HERC1: variants seen among roughly 807,000 people sequenced by gnomAD.
HERC1 encodes the protein probable E3 ubiquitin-protein ligase HERC1.
HERC1 carries 160 observed loss-of-function variants against 554.3 expected under a neutral mutation model. That is an observed-to-expected ratio of 0.29 (90% confidence interval 0.25 to 0.33). The LOEUF (loss-of-function observed/expected upper bound fraction) is 0.33, where lower values mean the gene tolerates loss of function less well. Ranked by LOEUF, HERC1 falls within the 10% of genes least tolerant of loss-of-function variation. The pLI is 1.00. For missense variants in HERC1, 4,919 were observed against 5,918.5 expected, an observed-to-expected ratio of 0.83 and a Z score of 5.54; for synonymous variants, 2,175 against 2,131.7, an observed-to-expected ratio of 1.02 and a Z score of -0.56.
At chr15:63,726,375 T>C (rs1232279819) in intron 17 of HERC1, among the ~76,000 whole-genome samples, 5 of 152,194 alleles carry the variant, frequency 3.3e-5, no homozygotes, top group Admixed American at 1.3e-4. Flanking sequence ...GAAATAAAAA[T>C]AGAGACTGAA....
intron 22 of HERC1, 108 bp from the exon 23 acceptor site, chr15:63,713,773 G>A (rs1290128502): frequency 1.6e-5 from 15 of 935,398 alleles, no homozygotes; most frequent in Non-Finnish European, 2.0e-5. Context: ...TACTGAAAGA[G>A]GGAAAAATTA....
At position 63,674,935 on chromosome 15, in the gene HERC1, T is replaced by G. The variant is rs2071119089; in HGVS notation, c.7253A>C (p.His2418Pro). 1 of 1,613,926 alleles carries G rather than the reference T, an allele frequency of 6.2e-7. No individual in the cohort carries two copies. Among genetic ancestry groups the G allele is most frequent in the African/African-American group, 1.3e-5 (1 of 74,924 alleles). ...KQSTKRHEKKHRHESEEKGDV... is the reference protein window; with the variant it reads ...KQSTKRHEKKPRHESEEKGDV... ...CCCTTTCTCCTCGGATTCATGTCGG[T>G]GTTTCTTTTCATGTCGTTTGGTGCT... The change falls in exon 38 of 78, where the codon CAC becomes CCC. Residue 2418 changes from histidine to proline, a missense_variant. Coordinates refer to ENST00000443617, the MANE Select transcript of HERC1 (RefSeq NM_003922.4).
intron 23 of HERC1, 99 bp from the exon 24 acceptor site, chr15:63,712,994 G>T: frequency 8.8e-7 from 1 of 1,134,760 alleles, no homozygotes; most frequent in Non-Finnish European, 1.2e-6. Context: ...TACACACACA[G>T]GGAGGAGTAA....
intron 21 of HERC1, among the ~76,000 whole-genome samples, chr15:63,717,928 A>G (rs2073635587): frequency 6.6e-6 from 1 of 152,168 alleles, no homozygotes; most frequent in African/African-American, 2.4e-5. Context: ...GACAACTCTA[A>G]TCATCAGAAA....
intron 74 of HERC1, 153 bp from the exon 75 acceptor site, chr15:63,616,835 A>C: frequency 1.4e-6 from 1 of 692,964 alleles, no homozygotes; most frequent in South Asian, 2.1e-5. Flanking sequence ...TAAAACTAAA[A>C]ATTCAGTTCT....
chr15:63,697,847 C>A (rs962042481), intron 26 of HERC1, among the ~76,000 whole-genome samples: 1 of 152,146 alleles, frequency 6.6e-6, no homozygotes, highest in Non-Finnish European at 1.5e-5. Context: ...TTGTTAGAAG[C>A]AAGCCACTAA....
At chr15:63,621,990 C>T (rs187869200) in intron 74 of HERC1, among the ~76,000 whole-genome samples, 3 of 152,244 alleles carry the variant, frequency 2.0e-5, no homozygotes, top group Admixed American at 1.3e-4. Flanking sequence ...TCTCTCAACT[C>T]GTCAAAGTCA....
intron 10 of HERC1, among the ~76,000 whole-genome samples, chr15:63,748,346 A>C (rs1363613114): frequency 6.6e-6 from 1 of 152,158 alleles, no homozygotes; most frequent in East Asian, 1.9e-4. Context: ...AAAACCAAGA[A>C]TTTGCCATCT....
chr15:63,608,854 G>A lies in HERC1; in HGVS notation c.*227C>T. 1 of 395,220 alleles carries A rather than the reference G, an allele frequency of 2.5e-6. No homozygotes were observed. Among genetic ancestry groups the A allele is most frequent in the East Asian group, 4.7e-5 (1 of 21,488 alleles). The allele number at this position is 395,220 out of a possible 1,614,324, so 24.5% of individuals were successfully genotyped here. A position where few individuals can be genotyped will look rare whatever the true frequency, so the allele number is the denominator to read the frequency against. On this transcript the variant is annotated 3_prime_UTR_variant, in exon 78 of 78. Transcript: ENST00000443617. ...TCAAAAGTGACCAAAAATATGGAGG[G>A]AAAAACCTGACTGAGAGCACTTCGT...
At chr15:63,684,080 AG>A (rs910629461) in intron 34 of HERC1, among the ~76,000 whole-genome samples, 2 of 152,224 alleles carry the variant, frequency 1.3e-5, no homozygotes, top group African/African-American at 4.8e-5. Flanking sequence ...TGGACTGTCC[AG>A]GTTTCTTGCA....
chr15:63,808,243 G>A (rs752921375), intron 1 of HERC1, among the ~76,000 whole-genome samples: 16 of 151,988 alleles, frequency 1.1e-4, no homozygotes, highest in Admixed American at 2.0e-4. Flanking sequence ...TCTGAATAAC[G>A]GCTGCTATCA....
intron 1 of HERC1, 97 bp downstream of exon 1, chr15:63,833,713 GGCCGGCCCTGCGCGGCC>G (rs1167093743): frequency 6.6e-6 from 1 of 151,356 alleles, no homozygotes; most frequent in Admixed American, 6.6e-5. Context: ...AAACGGCCCC[GGCCGGCCCTGCGCGGCC>G]GGCAAAGCAC....
At chr15:63,739,851 T>C (rs1183723382) in intron 12 of HERC1, among the ~76,000 whole-genome samples, 1 of 151,822 alleles carries the variant, frequency 6.6e-6, no homozygotes, top group Non-Finnish European at 1.5e-5. Context: ...AACAAATAGA[T>C]AAATAAATAA....
intron 11 of HERC1, 54 bp downstream of exon 11, chr15:63,747,668 GCA>G: frequency 3.0e-6 from 3 of 1,014,474 alleles, no homozygotes; most frequent in South Asian, 1.7e-5. Flanking sequence ...TTATACACAT[GCA>G]CACACGCGCG....
chr15:63,654,058 G>A, intron 51 of HERC1, 61 bp downstream of exon 51: 1 of 1,334,906 alleles, frequency 7.5e-7, no homozygotes, highest in Non-Finnish European at 1.1e-6. Context: ...TCCTTGAGAA[G>A]AGAAGAGACT....
At chr15:63,801,825 A>G (rs74776045) in intron 1 of HERC1, among the ~76,000 whole-genome samples, 4 of 152,060 alleles carry the variant, frequency 2.6e-5, no homozygotes, top group Admixed American at 2.6e-4. Context: ...ATGTACATAC[A>G]TTTTTGGATC....
Position 63,694,945 on chromosome 15 carries a change from CTTGCAAAAAGAAGT to C in HERC1, c.5122-65_5122-52del. 1 of 1,535,316 alleles carries C rather than the reference CTTGCAAAAAGAAGT, an allele frequency of 6.5e-7. No homozygotes were observed. The highest frequency in any genetic ancestry group is 8.8e-7 in the Non-Finnish European group (1 of 1,134,304). On this transcript the variant is annotated intron_variant, in intron 27 of 77. Transcript: ENST00000443617. The surrounding 1 kb of genome is among the most constrained non-coding windows in gnomAD (Gnocchi z 4.3). The stretch of plus-strand genomic sequence containing the variant: ...TTTCTATTAGCAACAATAATACCTG[CTTGCAAAAAGAAGT>C]AATAACATTTTATTTCTAGTCTATG...
intron 56 of HERC1, 123 bp downstream of exon 56, chr15:63,645,360 C>G: frequency 1.4e-6 from 1 of 730,808 alleles, no homozygotes; most frequent in Non-Finnish European, 2.2e-6. Context: ...TATAATGTTA[C>G]ACATTATAAG....
intron 25 of HERC1, among the ~76,000 whole-genome samples, chr15:63,701,482 A>C (rs2072720878): frequency 6.6e-6 from 1 of 152,202 alleles, no homozygotes; most frequent in Admixed American, 6.5e-5. Context: ...TAAATATTTT[A>C]GGCTTTGCAG....
Sources: gnomAD v4.1 joint callset for allele counts (sites outside exome capture counted in the v4.1 genomes callset) on GRCh38, gnomAD v4.1.1 for gene constraint, Gnocchi (gnomAD v3.1) non-coding constraint, MANE v1.5 for transcripts, NCBI Gene and HGNC (gene_info 2026-07-23, HGNC 2026-07-21) for gene names.